Variants in PACRG observed in about 807,000 individuals in gnomAD.
PACRG encodes the protein parkin coregulated gene protein.
Under a neutral mutation model 29.7 loss-of-function variants are expected in PACRG, and 29 were observed. The observed-to-expected ratio is 0.98, with a 90% CI of 0.73 to 1.33. The LOEUF (loss-of-function observed/expected upper bound fraction) is 1.33. PACRG is among the 40% of genes most tolerant of loss of function. PACRG has a pLI of 0.00. For synonymous variants in PACRG, 116 were observed against 118.7 expected (o/e 0.98, Z 0.15); for missense variants, 279 against 316.2 (o/e 0.88, Z 0.89).
chr6:163,158,931 C>A (rs572189504), intron 4 of PACRG, among the ~76,000 whole-genome samples: 14 of 152,198 alleles, frequency 9.2e-5, no homozygotes, highest in African/African-American at 3.1e-4. Flanking sequence ...TACTGTGGTT[C>A]TATGTAAGAA....
chr6:162,796,855 G>A (rs1785424043), intron 1 of PACRG, among the ~76,000 whole-genome samples: 1 of 152,190 alleles, frequency 6.6e-6, no homozygotes, highest in South Asian at 2.1e-4. Flanking sequence ...TTATTTATGT[G>A]AATGCTTGAC....
At position 163,105,710 on chromosome 6, in the gene PACRG, A is replaced by G. The variant is rs566471293; in HGVS notation, c.613+16302A>G. On this transcript the variant is annotated intron_variant, in intron 4 of 4. Transcript: ENST00000366888. ...AAGATAAACATGTTTTTAGAATTCT[A>G]TTATCAAAGCTATGGGTTAATATCC... is the stretch of plus-strand genomic sequence containing the variant. 1.1e-4 allele frequency among the ~76,000 whole-genome samples: 16 copies of G among 152,280 alleles called. No homozygotes were observed. The South Asian group carries it at 2.9e-3, about 28-fold the overall frequency.
At chr6:162,890,352 T>C (rs1794665044) in intron 2 of PACRG, among the ~76,000 whole-genome samples, 1 of 152,236 alleles carries the variant, frequency 6.6e-6, no homozygotes, top group South Asian at 2.1e-4. Flanking sequence ...TGGATTCTAA[T>C]CCTAAGTAAA....
chr6:162,816,644 G>A (rs9356064), intron 2 of PACRG, among the ~76,000 whole-genome samples: 10,290 of 152,198 alleles, frequency 0.068, 468 homozygotes, highest in East Asian at 0.28. Flanking sequence ...GAGCCACCGC[G>A]CCCAGCCAAG....
At chr6:162,954,984 A>G (rs1247857022) in intron 2 of PACRG, among the ~76,000 whole-genome samples, 1 of 152,252 alleles carries the variant, frequency 6.6e-6, no homozygotes, top group Non-Finnish European at 1.5e-5. Flanking sequence ...GCAGACCAAC[A>G]GCATCTGCTA....
chr6:163,180,865 C>G (rs759648743), intron 4 of PACRG, among the ~76,000 whole-genome samples: 6 of 152,220 alleles, frequency 3.9e-5, no homozygotes, highest in Non-Finnish European at 7.3e-5. Flanking sequence ...CCTGGAGTCA[C>G]CAGGCACCGA....
intron 2 of PACRG, among the ~76,000 whole-genome samples, chr6:162,894,395 T>A (rs1795010513): frequency 6.6e-6 from 1 of 152,234 alleles, no homozygotes; most frequent in Admixed American, 6.5e-5. Flanking sequence ...GATATAATGG[T>A]CTTTTGTATC....
At chr6:162,917,332 C>T (rs2128088053) in intron 2 of PACRG, among the ~76,000 whole-genome samples, 1 of 152,214 alleles carries the variant, frequency 6.6e-6, no homozygotes, top group South Asian at 2.1e-4. Context: ...ATATGGCCAT[C>T]CTTAGTGCAT....
rs1335066710 is a variant in PACRG, at chr6:162,879,515, A to G, written c.291+65234A>G. 2.0e-5 allele frequency among the ~76,000 whole-genome samples: 3 copies of G among 152,292 alleles called. 1 individual carries two copies. Among genetic ancestry groups the G allele is most frequent in the South Asian group, 4.1e-4 (2 of 4,826 alleles). On this transcript the variant is annotated intron_variant, in intron 2 of 4. Coordinates refer to ENST00000366888, the MANE Select transcript of PACRG (RefSeq NM_001080379.2). ...GGACAGTTGGTGCTAAAACTGATCTATTCTGTTCATCTACACTGATATAGA... is the reference window on the plus strand; with the variant it reads ...GGACAGTTGGTGCTAAAACTGATCTGTTCTGTTCATCTACACTGATATAGA...
At chr6:163,166,518 G>A (rs905439222) in intron 4 of PACRG, among the ~76,000 whole-genome samples, 1 of 152,148 alleles carries the variant, frequency 6.6e-6, no homozygotes, top group Non-Finnish European at 1.5e-5. Flanking sequence ...TTCTAAAAAC[G>A]TGCTCAACAA....
chr6:163,204,809 C>G (rs924702646), intron 4 of PACRG, among the ~76,000 whole-genome samples: 2 of 152,162 alleles, frequency 1.3e-5, no homozygotes, highest in African/African-American at 4.8e-5. Flanking sequence ...TGATTCTATA[C>G]CTACAAAACC....
chr6:163,022,462 C>T (rs768631348), intron 2 of PACRG, among the ~76,000 whole-genome samples: 68 of 152,136 alleles, frequency 4.5e-4, no homozygotes, highest in Non-Finnish European at 9.4e-4. Context: ...AAGGATTCAA[C>T]CGGAAGAGAG....
chr6:163,184,493 A>G (rs1261389603), intron 4 of PACRG, among the ~76,000 whole-genome samples: 2 of 152,208 alleles, frequency 1.3e-5, no homozygotes, highest in East Asian at 3.8e-4. Flanking sequence ...GTGCCTAAAT[A>G]ATGGTGCAAT....
chr6:163,158,676 C>T lies in PACRG; in HGVS notation c.613+69268C>T, dbSNP rs190653855. On this transcript the variant is annotated intron_variant, in intron 4 of 4. Transcript: ENST00000366888. ...CCTGAGTTTCATTTGTTCTCTAATA[C>T]ATCACAGTGTTAAGATGATATAAAT... is the stretch of plus-strand genomic sequence containing the variant. 1.6e-4 allele frequency among the ~76,000 whole-genome samples: 25 copies of T among 152,270 alleles called. No individual in the cohort carries two copies. In the East Asian group the frequency reaches 3.1e-3, roughly 19 times the overall value.
intron 4 of PACRG, among the ~76,000 whole-genome samples, chr6:163,301,701 G>A (rs895436093): frequency 6.6e-6 from 1 of 152,220 alleles, no homozygotes; most frequent in Non-Finnish European, 1.5e-5. Context: ...CTCTCCCAGA[G>A]GACAGTTAAA....
intron 1 of PACRG, among the ~76,000 whole-genome samples, chr6:162,791,998 A>G (rs1784990532): frequency 6.6e-6 from 1 of 152,186 alleles, no homozygotes; most frequent in African/African-American, 2.4e-5. Flanking sequence ...ACTAGGAGCA[A>G]GAACATTAGC....
At chr6:163,155,362 G>A (rs1778270607) in intron 4 of PACRG, among the ~76,000 whole-genome samples, 2 of 152,252 alleles carry the variant, frequency 1.3e-5, no homozygotes, top group African/African-American at 4.8e-5. Context: ...CACTTCCAGA[G>A]GGAGATAGCA....
intron 2 of PACRG, among the ~76,000 whole-genome samples, chr6:162,943,988 C>T (rs1157871057): frequency 4.6e-5 from 7 of 152,142 alleles, no homozygotes; most frequent in South Asian, 2.1e-4. Context: ...CAGCTGGCAC[C>T]GGAGAAAGCC....
intron 1 of PACRG, among the ~76,000 whole-genome samples, chr6:162,800,500 T>C (rs1007750787): frequency 2.6e-5 from 4 of 152,210 alleles, no homozygotes; most frequent in African/African-American, 9.6e-5. Context: ...ACAATTTACT[T>C]AGCAATCTTT....
Sources: gnomAD v4.1 joint callset for allele counts (sites outside exome capture counted in the v4.1 genomes callset) on GRCh38, gnomAD v4.1.1 for gene constraint, MANE v1.5 for transcripts, NCBI Gene and HGNC (gene_info 2026-07-23, HGNC 2026-07-21) for gene names.